RBFOX1: variants seen among roughly 807,000 people sequenced by gnomAD.
RBFOX1 encodes the protein RNA binding fox-1 homolog 1.
RBFOX1 carries 8 observed loss-of-function variants against 57.7 expected under a neutral mutation model. The ratio of observed to expected loss-of-function variants is 0.14; its 90% CI spans 0.08 to 0.25. The LOEUF is 0.25. Ranked by LOEUF, RBFOX1 falls within the 10% of genes least tolerant of loss-of-function variation. RBFOX1 has a pLI of 1.00. For synonymous variants in RBFOX1, 326 were observed against 222.4 expected (o/e 1.47, Z -4.15); for missense variants, 611 against 548.5 (o/e 1.11, Z -1.14).
intron 1 of RBFOX1, among the ~76,000 whole-genome samples, chr16:6,223,917 T>A (rs2097396359): frequency 6.6e-6 from 1 of 152,350 alleles, no homozygotes; most frequent in East Asian, 1.9e-4. Context: ...GCTTTCTCCA[T>A]ATGGCTAGCC....
At chr16:5,520,052 G>A (rs1056250927) in intron 2 of RBFOX1, among the ~76,000 whole-genome samples, 3 of 152,206 alleles carry the variant, frequency 2.0e-5, no homozygotes, top group East Asian at 3.9e-4. Context: ...TGCAGGATGT[G>A]CGATGAAGCA....
chr16:7,219,395 C>G (rs1046719510), intron 4 of RBFOX1, among the ~76,000 whole-genome samples: 4 of 152,092 alleles, frequency 2.6e-5, no homozygotes, highest in African/African-American at 9.7e-5. Context: ...CTCTTTGCAC[C>G]GTTAAGAGTA....
Position 5,454,898 on chromosome 16 carries a change from CTTT to C in RBFOX1, c.220-12317_220-12315del, listed in dbSNP as rs1567535159. Among the ~76,000 whole-genome samples the C allele has an allele frequency of 6.7e-3, 448 of 66,392 alleles. 18 individuals are homozygous for C. Among genetic ancestry groups the C allele is most frequent in the African/African-American group, 0.012 (237 of 20,082 alleles). The allele number at this position is 66,392 out of a possible 152,430, so 43.6% of individuals were successfully genotyped here. Reference sequence around the variant, plus strand: ...TCTTTCTTTCTTTCTTTCTTTCTTTCTTTCTTTCTTTCTTTCCTTTGTTTCTTT... The same window carrying C: ...TCTTTCTTTCTTTCTTTCTTTCTTTCCTTTCTTTCTTTCCTTTGTTTCTTT... On this transcript the variant is annotated intron_variant, in intron 1 of 2. Coordinates refer to the RBFOX1 transcript ENST00000585867.
chr16:6,868,122 A>G (rs974408320), intron 3 of RBFOX1, among the ~76,000 whole-genome samples: 1 of 152,244 alleles, frequency 6.6e-6, no homozygotes. Context: ...CCTGATAAAT[A>G]GTAAATACTC....
chr16:5,390,498 A>C (rs1185929992), intron 1 of RBFOX1, among the ~76,000 whole-genome samples: 1 of 152,080 alleles, frequency 6.6e-6, no homozygotes, highest in Non-Finnish European at 1.5e-5. Context: ...CGTGTTGGCC[A>C]GGCTGGTCTC....
chr16:7,351,675 G>C (rs991974498), intron 4 of RBFOX1, among the ~76,000 whole-genome samples: 7 of 151,994 alleles, frequency 4.6e-5, no homozygotes, highest in Admixed American at 2.0e-4. Context: ...TTCGCTTCCT[G>C]GGTTTGCCTT....
At chr16:5,829,926 C>T (rs533584845) in intron 3 of RBFOX1, among the ~76,000 whole-genome samples, 1 of 152,112 alleles carries the variant, frequency 6.6e-6, no homozygotes, top group Non-Finnish European at 1.5e-5. Flanking sequence ...CTGGCATAGA[C>T]GGTTGGGCTT....
At chr16:5,446,060 G>A (rs2068230112) in intron 1 of RBFOX1, among the ~76,000 whole-genome samples, 1 of 152,122 alleles carries the variant, frequency 6.6e-6, no homozygotes, top group African/African-American at 2.4e-5. Context: ...TTTTACCCTG[G>A]GCAAGACCCA....
intron 3 of RBFOX1, among the ~76,000 whole-genome samples, chr16:5,679,551 T>G (rs1453013560): frequency 6.6e-6 from 1 of 152,154 alleles, no homozygotes; most frequent in Non-Finnish European, 1.5e-5. Context: ...CCCCTCCCTG[T>G]GTCCATGTGT....
At chr16:5,840,695 G>A (rs1050231976) in intron 3 of RBFOX1, among the ~76,000 whole-genome samples, 1 of 152,206 alleles carries the variant, frequency 6.6e-6, no homozygotes, top group African/African-American at 2.4e-5. Flanking sequence ...CCACTGCTTG[G>A]AGATGTGTGT....
intron 14 of RBFOX1, among the ~76,000 whole-genome samples, chr16:7,682,849 G>C (rs937933098): frequency 6.7e-6 from 1 of 148,692 alleles, no homozygotes; most frequent in Admixed American, 6.7e-5. Flanking sequence ...GTTGTTTTTT[G>C]GGGTTTTTGC....
intron 2 of RBFOX1, among the ~76,000 whole-genome samples, chr16:6,447,709 G>C (rs2094512100): frequency 6.6e-6 from 1 of 152,202 alleles, no homozygotes; most frequent in Admixed American, 6.5e-5. Context: ...TCCAGATTTT[G>C]AAAGCCGCCT....
At chr16:7,393,520 C>G (rs2098082674) in intron 4 of RBFOX1, among the ~76,000 whole-genome samples, 1 of 152,084 alleles carries the variant, frequency 6.6e-6, no homozygotes, top group Non-Finnish European at 1.5e-5. Flanking sequence ...AATGCCATGC[C>G]TGAGATGGGT....
At chr16:5,715,781 A>G (rs1403727857) in intron 3 of RBFOX1, among the ~76,000 whole-genome samples, 1 of 152,214 alleles carries the variant, frequency 6.6e-6, no homozygotes, top group Admixed American at 6.5e-5. Flanking sequence ...GGCTGCGAGT[A>G]GGAGTACTGG....
chr16:6,394,020 T>C (rs2092715491), intron 2 of RBFOX1, among the ~76,000 whole-genome samples: 1 of 152,202 alleles, frequency 6.6e-6, no homozygotes, highest in African/African-American at 2.4e-5. Flanking sequence ...TAGAAGACTA[T>C]ACTAAATTGT....
rs781081302 is a variant in RBFOX1 at position 7,518,331 on chromosome 16, C to T, written c.212C>T (p.Thr71Met). The T allele has an allele frequency of 1.2e-6, 2 of 1,613,928 alleles. No individual in the cohort carries two copies. Among genetic ancestry groups the T allele is most frequent in the South Asian group, 1.1e-5 (1 of 91,020 alleles). The change falls in exon 5 of 16, where the codon ACG (threonine) becomes ATG (methionine). Residue 71 changes from threonine to methionine, a missense_variant. Transcript: ENST00000550418. The stretch of plus-strand genomic sequence containing the variant: ...TTAAACCTGTACCCTCCCGCCCAGA[C>T]GCACTCCGAGCAGAGCCCGGCGGAC... ...HTLNLYPPAQ[T>M]HSEQSPADTS...
intron 4 of RBFOX1, among the ~76,000 whole-genome samples, chr16:7,095,655 T>C (rs190711611): frequency 6.6e-6 from 1 of 152,292 alleles, no homozygotes; most frequent in African/African-American, 2.4e-5. Flanking sequence ...TGTTTACAGA[T>C]GATAATCATG....
intron 3 of RBFOX1, among the ~76,000 whole-genome samples, chr16:6,886,308 C>A (rs1215836686): frequency 6.6e-6 from 1 of 151,738 alleles, no homozygotes; most frequent in African/African-American, 2.4e-5. Flanking sequence ...GTGATCTGCC[C>A]ACCTCGACCT....
intron 4 of RBFOX1, among the ~76,000 whole-genome samples, chr16:7,404,994 A>C (rs1450568617): frequency 6.6e-6 from 1 of 152,156 alleles, no homozygotes; most frequent in African/African-American, 2.4e-5. Context: ...ACAGCAGGAA[A>C]GATGCCTGCT....
Sources: allele counts gnomAD v4.1 joint callset (sites outside exome capture counted in the v4.1 genomes callset), GRCh38; gene constraint gnomAD v4.1.1; transcripts MANE v1.5; gene names NCBI Gene and HGNC (gene_info 2026-07-23, HGNC 2026-07-21).